Variants in DOCK4 observed in about 807,000 individuals in gnomAD.
DOCK4 encodes dedicator of cytokinesis 4, also known as dedicator of cytokinesis protein 4.
Under a neutral mutation model 268.1 loss-of-function variants are expected in DOCK4, and 97 were observed. That is an observed-to-expected ratio of 0.36 (90% CI 0.31 to 0.43). The LOEUF (loss-of-function observed/expected upper bound fraction) is 0.43. Ranked by LOEUF, DOCK4 falls within the 20% of genes least tolerant of loss-of-function variation. The probability of loss-of-function intolerance (pLI) is 1.00; values close to 1 mark genes in which losing one functional copy is unlikely to be tolerated. For synonymous variants in DOCK4, 954 were observed against 887.2 expected (o/e 1.08, Z -1.34); for missense variants, 2,145 against 2,455.7 (o/e 0.87, Z 2.67).
At chr7:112,180,899 T>TA (rs377745149) in intron 1 of DOCK4, among the ~76,000 whole-genome samples, 21 of 152,336 alleles carry the variant, frequency 1.4e-4, no homozygotes, top group African/African-American at 4.8e-4. Context: ...CTGAAGTTGG[T>TA]AAAAATGGCT....
chr7:112,035,414 C>T lies in DOCK4; in HGVS notation c.38-31283G>A, dbSNP rs113537656. On this transcript the variant is annotated intron_variant, in intron 1 of 52. Transcript: ENST00000428084. ...AAGAAGACTTTCGGTGAATGTGTCA[C>T]ATTCTATAAAAACTTCATAAAACTA... Among the ~76,000 whole-genome samples the T allele has an allele frequency of 5.6e-3, 858 of 152,184 alleles. 9 individuals are homozygous for T. Among genetic ancestry groups the T allele is most frequent in the African/African-American group, 0.02 (812 of 41,528 alleles).
At chr7:112,159,644 T>C (rs1034320930) in intron 1 of DOCK4, among the ~76,000 whole-genome samples, 6 of 152,058 alleles carry the variant, frequency 3.9e-5, no homozygotes, top group Non-Finnish European at 8.8e-5. Flanking sequence ...TGTTGGGATC[T>C]AGCACTTATA....
Position 111,790,516 on chromosome 7 carries a change from T to C in DOCK4, c.3256A>G (p.Ile1086Val), listed in dbSNP as rs761846655. 2 of 1,613,908 alleles carry C rather than the reference T, an allele frequency of 1.2e-6. No homozygotes were observed. The highest frequency in any genetic ancestry group is 1.7e-6 in the Non-Finnish European group (2 of 1,179,858). Residue 1086 changes from isoleucine (I) to valine (V), a missense_variant, in exon 31 of 53, where the codon ATT (isoleucine) becomes GTT (valine). Around this residue, in one of 2 missense-constraint regions of DOCK4, gnomAD observed 1,598 missense variants for 1,986.7 expected, o/e 0.80. Transcript: ENST00000428084. ...IPQPDLRNVM[I>V]PIFHDMMDWE... Reference sequence around the variant, plus strand: ...TCCATCATATCATGAAAAATTGGAATCATGACATTCCGAAGATCTGGCTGG... The same window carrying C: ...TCCATCATATCATGAAAAATTGGAACCATGACATTCCGAAGATCTGGCTGG...
Position 111,887,265 on chromosome 7 carries a change from A to G in DOCK4, c.1587+8347T>C, listed in dbSNP as rs2134326000. Among the ~76,000 whole-genome samples the G allele has an allele frequency of 2.0e-5, 3 of 152,316 alleles. 1 individual carries two copies. In the South Asian group the frequency reaches 6.2e-4, roughly 32 times the overall value. On this transcript the variant is annotated intron_variant, in intron 16 of 52. Transcript: ENST00000428084. ...TCAGTTTTGGATATGCTGAGTGTGC[A>G]GTGTCTTTGGGAAGACCAACTGAAG...
At chr7:111,765,091 A>G in intron 39 of DOCK4, 27 bp downstream of exon 39, 1 of 1,200,052 alleles carries the variant, frequency 8.3e-7, no homozygotes, top group Non-Finnish European at 1.1e-6. Flanking sequence ...AGAGCTGTGA[A>G]AGCAAATTAA....
At chr7:112,020,234 T>C (rs762030801) in intron 1 of DOCK4, among the ~76,000 whole-genome samples, 2 of 152,180 alleles carry the variant, frequency 1.3e-5, no homozygotes, top group African/African-American at 4.8e-5. Context: ...TTTATCCTCA[T>C]ACATGTGTAG....
At chr7:111,761,440 A>G (rs965281384) in intron 39 of DOCK4, among the ~76,000 whole-genome samples, 1 of 151,902 alleles carries the variant, frequency 6.6e-6, no homozygotes, top group African/African-American at 2.4e-5. Context: ...GGCTCTTTCT[A>G]CTCTGAACAT....
Position 111,728,526 on chromosome 7 carries a change from G to GGGCACCGGCACT in DOCK4, c.5664_5675dup (p.Val1891_Pro1894dup), listed in dbSNP as rs777676750. Reference sequence around the variant, plus strand: ...GCTCCTCCCCGCCGTAGCTCGGCACGGGCACCGGCACTGGCACCGGCAGGG... The same window carrying GGGCACCGGCACT: ...GCTCCTCCCCGCCGTAGCTCGGCACGGGCACCGGCACTGGCACCGGCACTGGCACCGGCAGGG... On this transcript the variant is annotated inframe_insertion, in exon 53 of 53. Transcript: ENST00000428084. 46 of 1,613,336 alleles carry GGGCACCGGCACT rather than the reference G, an allele frequency of 2.9e-5. No individual in the cohort carries two copies. In the East Asian group the frequency reaches 3.6e-4, roughly 13 times the overall value.
At chr7:112,146,535 C>T (rs980047625) in intron 1 of DOCK4, among the ~76,000 whole-genome samples, 1 of 152,062 alleles carries the variant, frequency 6.6e-6, no homozygotes, top group African/African-American at 2.4e-5. Flanking sequence ...AGTTTGAGAC[C>T]AGCCTAGGCA....
intron 1 of DOCK4, among the ~76,000 whole-genome samples, chr7:112,008,256 C>T (rs548327428): frequency 1.3e-5 from 2 of 152,204 alleles, no homozygotes; most frequent in South Asian, 4.1e-4. Flanking sequence ...TGCCCATTTG[C>T]TACTATGGAA....
At chr7:111,899,880 C>T (rs535151093) in intron 15 of DOCK4, among the ~76,000 whole-genome samples, 54 of 152,292 alleles carry the variant, frequency 3.5e-4, no homozygotes, top group Admixed American at 3.0e-3. Flanking sequence ...GCTGAGATTG[C>T]GCCACTGCAC....
chr7:112,133,998 C>T (rs941779860), intron 1 of DOCK4, among the ~76,000 whole-genome samples: 1 of 152,042 alleles, frequency 6.6e-6, no homozygotes, highest in Non-Finnish European at 1.5e-5. Context: ...CACATGTTGT[C>T]AGATTAGCTA....
chr7:112,053,031 C>T (rs1339105342), intron 1 of DOCK4, among the ~76,000 whole-genome samples: 2 of 152,166 alleles, frequency 1.3e-5, no homozygotes, highest in Admixed American at 6.5e-5. Context: ...TTCCCTTACC[C>T]AGTGTTTATT....
intron 14 of DOCK4, among the ~76,000 whole-genome samples, chr7:111,900,985 T>C (rs1791095051): frequency 6.6e-6 from 1 of 152,146 alleles, no homozygotes. Context: ...TCACCCCAAT[T>C]AGTAAGTAGT....
At chr7:112,100,558 G>A (rs1391954329) in intron 1 of DOCK4, among the ~76,000 whole-genome samples, 1 of 152,178 alleles carries the variant, frequency 6.6e-6, no homozygotes. Context: ...CCACATCTAC[G>A]AGAAAGCTTT....
intron 1 of DOCK4, among the ~76,000 whole-genome samples, chr7:112,027,965 A>G (rs1261912475): frequency 1.3e-5 from 2 of 152,210 alleles, no homozygotes; most frequent in African/African-American, 2.4e-5. Context: ...AGACAGAACT[A>G]AAGGTGAGTA....
intron 1 of DOCK4, among the ~76,000 whole-genome samples, chr7:112,107,025 A>G (rs910535408): frequency 1.3e-5 from 2 of 152,224 alleles, no homozygotes; most frequent in Non-Finnish European, 2.9e-5. Context: ...TAACTACACT[A>G]AATTTTTGAA....
In DOCK4 at chr7:111,863,460, C is replaced by A. The variant is rs192790569; in HGVS notation, c.2385G>T (p.Pro795=). ...NLVQDTLGSL[P]TILHVDDSLQ... is the part of the protein sequence containing the mutation. ...GGGAATCATCCACATGCAGGATGGT[C>A]GGCAGACTGCCCAGGGTGTCCTGGA... is the stretch of plus-strand genomic sequence containing the variant. The change falls in exon 23 of 53, where the codon CCG becomes CCT. Residue 795 remains proline, a synonymous_variant. Transcript: ENST00000428084. The A allele has an allele frequency of 1.2e-6, 2 of 1,613,832 alleles. No individual in the cohort carries two copies. The highest frequency in any genetic ancestry group is 2.2e-5 in the East Asian group (1 of 44,894).
chr7:112,198,853 T>C (rs1174240849), intron 1 of DOCK4, among the ~76,000 whole-genome samples: 1 of 152,206 alleles, frequency 6.6e-6, no homozygotes, highest in Non-Finnish European at 1.5e-5. Context: ...ATTTTTGAAA[T>C]AGTGTTGTTT....
Sources: allele counts gnomAD v4.1 joint callset (sites outside exome capture counted in the v4.1 genomes callset), GRCh38; gene constraint gnomAD v4.1.1; regional missense constraint gnomAD v4.1.1; transcripts MANE v1.5; gene names NCBI Gene and HGNC (gene_info 2026-07-23, HGNC 2026-07-21).